The following ELP3 variants were observed in gnomAD, a reference collection of about 807,000 sequenced individuals.
ELP3 encodes the protein elongator acetyltransferase complex subunit 3.
A neutral mutation model predicts 74.9 loss-of-function variants in ELP3; 56 were observed. The ratio of observed to expected loss-of-function variants is 0.75; its 90% confidence interval spans 0.60 to 0.93. The LOEUF (loss-of-function observed/expected upper bound fraction) is 0.93, where lower values mean the gene tolerates loss of function less well. ELP3 is among the 40% of genes least tolerant of loss of function. The pLI is 0.00. For synonymous variants in ELP3, 222 were observed against 239.8 expected, an observed-to-expected ratio of 0.93 and a Z score of 0.68; for missense variants, 573 against 686.5, an observed-to-expected ratio of 0.83 and a Z score of 1.85.
intron 3 of ELP3, among the ~76,000 whole-genome samples, chr8:28,102,366 C>T (rs892919088): frequency 2.0e-5 from 3 of 152,164 alleles, no homozygotes; most frequent in African/African-American, 7.2e-5. Context: ...ATGCATTTTC[C>T]GTTCCTACTG....
At chr8:28,154,352 A>C (rs1050981641) in intron 10 of ELP3, among the ~76,000 whole-genome samples, 2 of 152,248 alleles carry the variant, frequency 1.3e-5, no homozygotes, top group East Asian at 3.8e-4. Flanking sequence ...CAGCACAACT[A>C]TCATGAATAA....
chr8:28,152,421 C>G (rs929237518), intron 10 of ELP3, among the ~76,000 whole-genome samples: 1 of 152,012 alleles, frequency 6.6e-6, no homozygotes, highest in Non-Finnish European at 1.5e-5. Context: ...ATTTTTTTCA[C>G]TTTTTTATTG....
intron 9 of ELP3, among the ~76,000 whole-genome samples, chr8:28,137,276 G>A (rs1328875565): frequency 6.6e-6 from 1 of 152,204 alleles, no homozygotes; most frequent in Non-Finnish European, 1.5e-5. Flanking sequence ...GGTTCAGTGG[G>A]ATTTTTTTTA....
intron 14 of ELP3, among the ~76,000 whole-genome samples, chr8:28,183,032 G>C (rs1038021858): frequency 6.6e-6 from 1 of 152,098 alleles, no homozygotes; most frequent in Non-Finnish European, 1.5e-5. Flanking sequence ...TACTCCTCTC[G>C]GCCCATCCCA....
intron 14 of ELP3, among the ~76,000 whole-genome samples, chr8:28,164,316 C>T (rs1476204700): frequency 6.6e-6 from 1 of 152,148 alleles, no homozygotes; most frequent in East Asian, 1.9e-4. Flanking sequence ...ATCTCCCTAG[C>T]TTTTTATCAT....
intron 12 of ELP3, 27 bp from the exon 13 acceptor site, chr8:28,160,202 T>A (rs1250664719): frequency 6.3e-7 from 1 of 1,590,200 alleles, no homozygotes; most frequent in Non-Finnish European, 8.6e-7. Flanking sequence ...TTTTGAATAA[T>A]ATTTTTTGTG....
intron 14 of ELP3, chr8:28,183,193 G>C (rs1390419439): frequency 2.2e-6 from 1 of 460,070 alleles, no homozygotes; most frequent in African/African-American, 2.0e-5. Context: ...TCTCCCCAAA[G>C]GGGTGGATGT....
chr8:28,108,161 A>G (rs763893358), intron 5 of ELP3, among the ~76,000 whole-genome samples, 185 bp downstream of exon 5: 1 of 152,230 alleles, frequency 6.6e-6, no homozygotes, highest in African/African-American at 2.4e-5. Flanking sequence ...TCTAGCCACT[A>G]GAGAAATACT....
chr8:28,157,721 GAT>G (rs1813888509), intron 11 of ELP3, among the ~76,000 whole-genome samples: 1 of 152,120 alleles, frequency 6.6e-6, no homozygotes. Context: ...TATACCATAA[GAT>G]ATATAATTGA....
chr8:28,174,787 G>A (rs992952404), intron 14 of ELP3, among the ~76,000 whole-genome samples: 1 of 151,858 alleles, frequency 6.6e-6, no homozygotes, highest in Non-Finnish European at 1.5e-5. Flanking sequence ...TTCAATTCAG[G>A]TTGAATGACT....
At chr8:28,181,272 C>T in intron 14 of ELP3, among the ~76,000 whole-genome samples, 1 of 152,128 alleles carries the variant, frequency 6.6e-6, no homozygotes, top group East Asian at 1.9e-4. Context: ...ACTCTTCTGC[C>T]CTGCCTCTAG....
At chr8:28,188,548 TAA>T (rs890079007) in intron 14 of ELP3, among the ~76,000 whole-genome samples, 2 of 152,178 alleles carry the variant, frequency 1.3e-5, no homozygotes, top group African/African-American at 2.4e-5. Flanking sequence ...TAAAAATCCC[TAA>T]AAGATGGGGT....
At chr8:28,135,409 A>C (rs1296041557) in intron 9 of ELP3, among the ~76,000 whole-genome samples, 2 of 152,224 alleles carry the variant, frequency 1.3e-5, no homozygotes, top group Non-Finnish European at 2.9e-5. Context: ...TGATTCATCC[A>C]GAGATGAACT....
chr8:28,153,546 G>T (rs1457253354), intron 10 of ELP3, among the ~76,000 whole-genome samples: 1 of 152,194 alleles, frequency 6.6e-6, no homozygotes. Context: ...TAATTTGGAT[G>T]TAGGGAAGGG....
At chr8:28,174,630 T>G (rs1814668661) in intron 14 of ELP3, among the ~76,000 whole-genome samples, 1 of 152,170 alleles carries the variant, frequency 6.6e-6, no homozygotes. Flanking sequence ...AATTATTGTT[T>G]AATGAATTTG....
chr8:28,112,200 A>G (rs1811944318), intron 6 of ELP3, among the ~76,000 whole-genome samples: 1 of 151,868 alleles, frequency 6.6e-6, no homozygotes, highest in Non-Finnish European at 1.5e-5. Flanking sequence ...GCTGGAGTGC[A>G]GTGGCACAAT....
chr8:28,117,189 A>G (rs150297933), intron 7 of ELP3, among the ~76,000 whole-genome samples: 1,564 of 152,156 alleles, frequency 0.01, 9 homozygotes, highest in South Asian at 0.022. Context: ...CATCTCCTAC[A>G]GTTTGGGTCC....
At chr8:28,117,033 G>T (rs1372820361) in intron 7 of ELP3, among the ~76,000 whole-genome samples, 1 of 152,100 alleles carries the variant, frequency 6.6e-6, no homozygotes, top group Non-Finnish European at 1.5e-5. Context: ...GTTTTTCTCT[G>T]CAAGCTTATA....
At chr8:28,169,004 A>G (rs1270488553) in intron 14 of ELP3, among the ~76,000 whole-genome samples, 1 of 152,186 alleles carries the variant, frequency 6.6e-6, no homozygotes, top group African/African-American at 2.4e-5. Flanking sequence ...GGAATTTCTT[A>G]TTCTTTAGTT....
Sources: allele counts gnomAD v4.1 joint callset (sites outside exome capture counted in the v4.1 genomes callset), GRCh38; gene constraint gnomAD v4.1.1; transcripts MANE v1.5; gene names NCBI Gene and HGNC (gene_info 2026-07-23, HGNC 2026-07-21).